The following PUM1 variants were observed in gnomAD, a reference collection of about 807,000 sequenced individuals.
The protein encoded by PUM1 is pumilio homolog 1.
PUM1 carries 13 observed loss-of-function variants against 131.8 expected under a neutral mutation model. The observed-to-expected ratio is 0.10, with a 90% confidence interval of 0.06 to 0.16. PUM1 has a LOEUF of 0.16. Among genes scored for constraint, PUM1 ranks in the 10% least tolerant of loss-of-function variants. PUM1 has a pLI of 1.00. For missense variants in PUM1, 961 were observed against 1,512.4 expected (o/e 0.64, Z 6.05); for synonymous variants, 509 against 556.5 (o/e 0.91, Z 1.20).
chr1:31,027,846 A>T (rs1643282524), intron 3 of PUM1, among the ~76,000 whole-genome samples: 1 of 152,208 alleles, frequency 6.6e-6, no homozygotes, highest in South Asian at 2.1e-4. Flanking sequence ...GTATCTAATA[A>T]ATGGTATAAA....
At chr1:31,044,427 T>C (rs753184128) in intron 2 of PUM1, among the ~76,000 whole-genome samples, 2 of 151,830 alleles carry the variant, frequency 1.3e-5, no homozygotes, top group Admixed American at 6.6e-5. Context: ...ATAAATGATG[T>C]ACTGATAAAT....
intron 3 of PUM1, among the ~76,000 whole-genome samples, chr1:31,012,199 T>C (rs1160961631): frequency 1.9e-5 from 2 of 103,082 alleles, no homozygotes; most frequent in Non-Finnish European, 3.7e-5. Context: ...CATCTAAGAG[T>C]TGTTTTTTTT....
intron 2 of PUM1, among the ~76,000 whole-genome samples, chr1:31,057,747 A>C (rs1023237221): frequency 7.2e-6 from 1 of 138,690 alleles, no homozygotes; most frequent in African/African-American, 2.5e-5. Context: ...AAAAAAAAAA[A>C]CAACTATGGT....
intron 21 of PUM1, 71 bp from the exon 22 acceptor site, chr1:30,933,413 T>C: frequency 2.1e-6 from 3 of 1,397,964 alleles, no homozygotes; most frequent in Middle Eastern, 1.9e-4. Context: ...CGGACATGCA[T>C]TTGCATGTCA....
At chr1:30,993,228 T>C (rs1641858428) in intron 6 of PUM1, among the ~76,000 whole-genome samples, 2 of 151,498 alleles carry the variant, frequency 1.3e-5, no homozygotes, top group South Asian at 2.1e-4. Context: ...TATTCCAAAG[T>C]AGTACAAGAT....
intron 1 of PUM1, among the ~76,000 whole-genome samples, chr1:31,063,895 T>C (rs1359450596): frequency 1.3e-5 from 2 of 152,198 alleles, no homozygotes; most frequent in Non-Finnish European, 2.9e-5. Context: ...TAACATGTTA[T>C]CTTGGGTAGT....
chr1:31,038,986 T>TATATATATATA (rs1557599381), intron 2 of PUM1, among the ~76,000 whole-genome samples: 15 of 27,464 alleles, frequency 5.5e-4, no homozygotes, highest in African/African-American at 4.3e-3. Context: ...ATATATATAT[T>TATATATATATA]TTTTTTTTTT....
intron 16 of PUM1, among the ~76,000 whole-genome samples, chr1:30,950,582 A>T (rs1265785645): frequency 6.6e-6 from 1 of 152,236 alleles, no homozygotes; most frequent in African/African-American, 2.4e-5. Flanking sequence ...GAATCTGGCC[A>T]GGTGCAGTGG....
intron 3 of PUM1, among the ~76,000 whole-genome samples, chr1:31,018,707 A>G (rs1642914000): frequency 1.3e-5 from 2 of 152,106 alleles, no homozygotes; most frequent in East Asian, 3.9e-4. Context: ...ATTTCAGAAG[A>G]GTCATTGCCC....
chr1:31,064,847 A>G (rs905271639), intron 1 of PUM1, among the ~76,000 whole-genome samples: 1 of 151,240 alleles, frequency 6.6e-6, no homozygotes, highest in African/African-American at 2.4e-5. Flanking sequence ...GACAAGTAAA[A>G]CAAATGATCT....
intron 2 of PUM1, among the ~76,000 whole-genome samples, chr1:31,032,147 A>C (rs1367647299): frequency 6.6e-6 from 1 of 152,236 alleles, no homozygotes; most frequent in African/African-American, 2.4e-5. Flanking sequence ...AGATAAACCA[A>C]GTCATTCTCT....
At chr1:31,015,293 G>A (rs1642770756) in intron 3 of PUM1, among the ~76,000 whole-genome samples, 1 of 151,954 alleles carries the variant, frequency 6.6e-6, no homozygotes, top group Non-Finnish European at 1.5e-5. Context: ...AAATAAATAA[G>A]GCATATCTCT....
At chr1:30,946,636 CA>C (rs34267371) in intron 17 of PUM1, among the ~76,000 whole-genome samples, 10,013 of 122,118 alleles carry the variant, frequency 0.082, 433 homozygotes, top group South Asian at 0.17. Flanking sequence ...GACTCTGTCT[CA>C]AAAAAAAAAA....
chr1:31,057,596 G>A (rs959942734), intron 2 of PUM1, among the ~76,000 whole-genome samples: 1 of 151,236 alleles, frequency 6.6e-6, no homozygotes, highest in Non-Finnish European at 1.5e-5. Flanking sequence ...ATGGAGGTGG[G>A]TGCCTGTAAT....
chr1:30,974,332 T>C (rs1167716614), intron 10 of PUM1, among the ~76,000 whole-genome samples: 3 of 152,198 alleles, frequency 2.0e-5, no homozygotes, highest in Admixed American at 2.0e-4. Flanking sequence ...CTGAAAGTGG[T>C]GCTTAGCAAG....
chr1:30,972,844 C>A (rs1420485455), intron 10 of PUM1, among the ~76,000 whole-genome samples: 2 of 151,900 alleles, frequency 1.3e-5, no homozygotes, highest in African/African-American at 4.8e-5. Flanking sequence ...CTTTGGGAGG[C>A]CGAGACGGGT....
At chr1:31,024,129 T>C (rs1476234586) in intron 3 of PUM1, among the ~76,000 whole-genome samples, 2 of 152,152 alleles carry the variant, frequency 1.3e-5, no homozygotes, top group Non-Finnish European at 2.9e-5. Flanking sequence ...GGAAACTATC[T>C]AGTCCAACAT....
rs140194037 is a variant in PUM1, at chr1:31,018,991, G to A, written c.432+9805C>T. ...AGGCTGCCCTGAAGATCCTCTATAG[G>A]CTGCTGGGCGACAGTAAGAGCAAAA... On this transcript the variant is annotated intron_variant, in intron 3 of 21. Coordinates refer to ENST00000426105, the MANE Select transcript of PUM1 (RefSeq NM_001020658.2). 4.6e-3 allele frequency among the ~76,000 whole-genome samples: 699 copies of A among 152,316 alleles called. 5 individuals are homozygous for A. Among genetic ancestry groups the A allele is most frequent in the Non-Finnish European group, 8.1e-3 (553 of 68,030 alleles).
chr1:30,952,392 C>T, intron 15 of PUM1, 29 bp from the exon 16 acceptor site: 2 of 1,613,408 alleles, frequency 1.2e-6, no homozygotes, highest in Non-Finnish European at 1.7e-6. Context: ...AGGGCAATCA[C>T]AGCACTGAAG....
Sources: allele counts gnomAD v4.1 joint callset (sites outside exome capture counted in the v4.1 genomes callset), GRCh38; gene constraint gnomAD v4.1.1; transcripts MANE v1.5; gene names NCBI Gene and HGNC (gene_info 2026-07-23, HGNC 2026-07-21).